ASTN2: variants seen among roughly 807,000 people sequenced by gnomAD.
ASTN2 encodes astrotactin-2.
Under a neutral mutation model 139.8 loss-of-function variants are expected in ASTN2, and 54 were observed. The ratio of observed to expected loss-of-function variants is 0.39; its 90% CI spans 0.31 to 0.48. The LOEUF (loss-of-function observed/expected upper bound fraction) is 0.48, where lower values mean the gene tolerates loss of function less well. Ranked by LOEUF, ASTN2 falls within the 20% of genes least tolerant of loss-of-function variation. The pLI is 0.95. For missense variants in ASTN2, 1,565 were observed against 1,725.1 expected (o/e 0.91, Z 1.64); for synonymous variants, 756 against 719.5 (o/e 1.05, Z -0.81).
At chr9:116,778,129 G>C (rs906396874) in intron 13 of ASTN2, among the ~76,000 whole-genome samples, 34 of 152,090 alleles carry the variant, frequency 2.2e-4, no homozygotes, top group African/African-American at 8.0e-4. Context: ...ACCATGCCTG[G>C]CCTGTAAATT....
intron 19 of ASTN2, among the ~76,000 whole-genome samples, chr9:116,532,813 T>G (rs779023222): frequency 1.4e-4 from 22 of 152,362 alleles, no homozygotes; most frequent in Middle Eastern, 3.4e-3. Flanking sequence ...CCAGCTTTGT[T>G]CTTTTTGCTT....
At chr9:117,118,874 T>C (rs1829470265) in intron 4 of ASTN2, among the ~76,000 whole-genome samples, 2 of 152,182 alleles carry the variant, frequency 1.3e-5, no homozygotes, top group Non-Finnish European at 2.9e-5. Flanking sequence ...AGAAGCCTTC[T>C]CTGACCACCC....
At chr9:117,199,937 T>C (rs934716231) in intron 3 of ASTN2, among the ~76,000 whole-genome samples, 2 of 152,148 alleles carry the variant, frequency 1.3e-5, no homozygotes, top group African/African-American at 4.8e-5. Context: ...TTTGGCTTTC[T>C]GCTTGCCTAT....
intron 16 of ASTN2, among the ~76,000 whole-genome samples, chr9:116,658,733 C>CTTTTTTTTTT (rs71502074): frequency 1.1e-3 from 108 of 101,106 alleles, no homozygotes; most frequent in East Asian, 1.6e-3. Flanking sequence ...GACCACCGCT[C>CTTTTTTTTTT]TTTTTTTTTT....
In ASTN2 at chr9:116,844,027, C is replaced by CA. The variant is rs542189185; in HGVS notation, c.2040+19555dup. On this transcript the variant is annotated intron_variant, in intron 11 of 22. Coordinates refer to ENST00000313400, the MANE Select transcript of ASTN2 (RefSeq NM_001365068.1). ...AAAAAGCAGAAGAATGCTGAGGAGA[C>CA]AAAAAAATAAAAATAAGATTAATCC... 1.6e-4 allele frequency among the ~76,000 whole-genome samples: 24 copies of CA among 152,038 alleles called. No homozygotes were observed. The South Asian group carries it at 4.8e-3, about 30-fold the overall frequency.
intron 6 of ASTN2, among the ~76,000 whole-genome samples, chr9:117,037,485 A>C (rs1039000892): frequency 6.6e-6 from 1 of 152,202 alleles, no homozygotes; most frequent in African/African-American, 2.4e-5. Context: ...GGAGAGACAG[A>C]GGCTCAGAGA....
At chr9:117,394,539 G>A (rs1452277368) in intron 1 of ASTN2, among the ~76,000 whole-genome samples, 1 of 152,094 alleles carries the variant, frequency 6.6e-6, no homozygotes, top group Non-Finnish European at 1.5e-5. Context: ...GTTAATCAAA[G>A]ATAAATAAGG....
chr9:117,413,694 C>A (rs1467742175), intron 1 of ASTN2, among the ~76,000 whole-genome samples: 1 of 152,190 alleles, frequency 6.6e-6, no homozygotes, highest in East Asian at 1.9e-4. Context: ...TGGAGCCCCC[C>A]ACCCACACCC....
At chr9:116,829,003 A>G (rs1831725790) in intron 11 of ASTN2, among the ~76,000 whole-genome samples, 1 of 152,148 alleles carries the variant, frequency 6.6e-6, no homozygotes, top group Admixed American at 6.5e-5. Flanking sequence ...GATGAAATAA[A>G]TTGTAGATGA....
At chr9:117,244,763 A>AAG (rs1564501246) in intron 2 of ASTN2, among the ~76,000 whole-genome samples, 2 of 133,374 alleles carry the variant, frequency 1.5e-5, no homozygotes, top group African/African-American at 5.8e-5. Flanking sequence ...AGGGAGGGAG[A>AAG]GAGGGAAGGA....
chr9:116,840,338 C>T (rs58875723), intron 11 of ASTN2, among the ~76,000 whole-genome samples: 30,082 of 150,864 alleles, frequency 0.2, 3,592 homozygotes, highest in Middle Eastern at 0.29. Flanking sequence ...TCCCCCCTTT[C>T]TATTCCACAA....
At chr9:116,581,228 G>A (rs1853938341) in intron 19 of ASTN2, among the ~76,000 whole-genome samples, 2 of 152,118 alleles carry the variant, frequency 1.3e-5, no homozygotes, top group Admixed American at 6.5e-5. Flanking sequence ...CATCAAGCTT[G>A]TCTCAGCTGG....
chr9:117,073,390 CA>C (rs1259260378), intron 5 of ASTN2, among the ~76,000 whole-genome samples: 1 of 152,142 alleles, frequency 6.6e-6, no homozygotes, highest in Non-Finnish European at 1.5e-5. Context: ...TCATCTATTT[CA>C]GGGAATCTTC....
intron 16 of ASTN2, among the ~76,000 whole-genome samples, chr9:116,657,336 T>A (rs1241240893): frequency 1.3e-5 from 2 of 152,212 alleles, no homozygotes; most frequent in Non-Finnish European, 2.9e-5. Context: ...AAGCACTCAA[T>A]AAATATTATT....
chr9:117,069,406 G>A (rs1296081358), intron 5 of ASTN2, among the ~76,000 whole-genome samples: 2,074 of 76,440 alleles, frequency 0.027, no homozygotes, highest in South Asian at 0.034. Context: ...TTTTACATTT[G>A]CTGAGGAGAG....
At chr9:116,642,517 A>C (rs1453105711) in intron 17 of ASTN2, among the ~76,000 whole-genome samples, 1 of 151,700 alleles carries the variant, frequency 6.6e-6, no homozygotes, top group Admixed American at 6.6e-5. Context: ...TGGAATTCTC[A>C]CTCTTCAGCC....
intron 20 of ASTN2, among the ~76,000 whole-genome samples, chr9:116,453,124 G>A (rs1215828486): frequency 6.6e-6 from 1 of 152,110 alleles, no homozygotes; most frequent in Non-Finnish European, 1.5e-5. Flanking sequence ...TGTGAGTTCT[G>A]CTTTCCATGG....
chr9:116,580,597 C>G (rs913763913), intron 19 of ASTN2, among the ~76,000 whole-genome samples: 2 of 152,190 alleles, frequency 1.3e-5, no homozygotes, highest in African/African-American at 4.8e-5. Flanking sequence ...ATTGCAGAAC[C>G]AGCCTAGTCT....
At chr9:116,513,126 T>C (rs1376229105) in intron 19 of ASTN2, among the ~76,000 whole-genome samples, 2 of 152,196 alleles carry the variant, frequency 1.3e-5, no homozygotes, top group Non-Finnish European at 2.9e-5. Context: ...CATGTTTTTG[T>C]AGTGGCTGGT....
Sources: gnomAD v4.1 joint callset for allele counts (sites outside exome capture counted in the v4.1 genomes callset) on GRCh38, gnomAD v4.1.1 for gene constraint, MANE v1.5 for transcripts, NCBI Gene and HGNC (gene_info 2026-07-23, HGNC 2026-07-21) for gene names.